The following TOX2 variants were observed in gnomAD, a reference collection of about 807,000 sequenced individuals.
TOX2 encodes the protein granulosa cell HMG box 1.
In TOX2, 15 loss-of-function variants were observed where a neutral mutation model predicts 47.4. The ratio of observed to expected loss-of-function variants is 0.32; its 90% confidence interval spans 0.21 to 0.49. TOX2 has a LOEUF of 0.49. TOX2 is among the 20% of genes least tolerant of loss of function. The probability of loss-of-function intolerance (pLI) is 0.99; values close to 1 mark genes in which losing one functional copy is unlikely to be tolerated. For missense variants in TOX2, 622 were observed against 673.1 expected (o/e 0.92, Z 0.84); for synonymous variants, 290 against 296.6 (o/e 0.98, Z 0.23).
At chr20:43,983,493 C>G (rs1353596836) in intron 2 of TOX2, among the ~76,000 whole-genome samples, 1 of 152,180 alleles carries the variant, frequency 6.6e-6, no homozygotes, top group Non-Finnish European at 1.5e-5. Context: ...ACCTGCCGCT[C>G]CCTGAGCACT....
chr20:44,031,244 G>A (rs541059520), intron 3 of TOX2, among the ~76,000 whole-genome samples: 6 of 152,184 alleles, frequency 3.9e-5, no homozygotes, highest in Non-Finnish European at 5.9e-5. Context: ...CTCTGTTAGC[G>A]CCCTCTGTGT....
At chr20:44,015,984 C>T (rs58092293) in intron 3 of TOX2, among the ~76,000 whole-genome samples, 1,778 of 151,968 alleles carry the variant, frequency 0.012, 34 homozygotes, top group African/African-American at 0.041. Context: ...CGTTTGTTGA[C>T]GAGATAAGAT....
intron 3 of TOX2, among the ~76,000 whole-genome samples, chr20:44,043,774 T>A (rs188857033): frequency 6.6e-6 from 1 of 152,322 alleles, no homozygotes; most frequent in East Asian, 1.9e-4. Context: ...GATGAAAGCA[T>A]GCCAAAAATT....
rs1331618739 is a variant in TOX2, at chr20:43,915,179, C to A, written c.99+189C>A. Among the ~76,000 whole-genome samples the A allele has an allele frequency of 6.6e-6, 1 of 152,132 alleles. No individual in the cohort carries two copies. Among genetic ancestry groups the A allele is most frequent in the South Asian group, 2.1e-4 (1 of 4,832 alleles). On this transcript the variant is annotated intron_variant, in intron 1 of 8. Coordinates refer to ENST00000341197, the MANE Select transcript of TOX2 (RefSeq NM_001098797.2). The surrounding 1 kb of genome is among the most constrained non-coding windows in gnomAD (Gnocchi z 7.1). ...TGTTGGGATCGCGGGCAGAAGTCAT[C>A]CCGACAGCCACCCGTGCGACGACAC...
chr20:44,025,092 A>G (rs993280847), intron 3 of TOX2, among the ~76,000 whole-genome samples: 3 of 152,138 alleles, frequency 2.0e-5, no homozygotes, highest in Non-Finnish European at 2.9e-5. Context: ...GCTATTTCTG[A>G]TCTTTTCTAT....
intron 3 of TOX2, among the ~76,000 whole-genome samples, chr20:44,047,459 A>G (rs1341148441): frequency 6.6e-6 from 1 of 152,236 alleles, no homozygotes; most frequent in Admixed American, 6.5e-5. Context: ...AATTTAATGA[A>G]TTATCATGAA....
At chr20:44,051,268 A>G in intron 3 of TOX2, 38 bp from the exon 4 acceptor site, 1 of 1,561,880 alleles carries the variant, frequency 6.4e-7, no homozygotes, top group Non-Finnish European at 8.7e-7. Context: ...GGCAGGACAG[A>G]TCCTTCCTAA....
intron 1 of TOX2, among the ~76,000 whole-genome samples, chr20:43,961,070 C>T (rs1376810672): frequency 6.6e-6 from 1 of 152,238 alleles, no homozygotes; most frequent in East Asian, 1.9e-4. Context: ...AGACATGTGG[C>T]TGTTGTGATA....
intron 3 of TOX2, chr20:44,039,195 A>G (rs1253707278): frequency 7.8e-7 from 1 of 1,279,816 alleles, no homozygotes; most frequent in Non-Finnish European, 1.0e-6. Flanking sequence ...ATGGAGCAGG[A>G]GAGGGAAGGC....
chr20:43,964,256 G>A (rs2069811116), intron 1 of TOX2, among the ~76,000 whole-genome samples: 1 of 152,140 alleles, frequency 6.6e-6, no homozygotes, highest in Admixed American at 6.5e-5. Flanking sequence ...CTGAGACTGA[G>A]GCTTCCCAGG....
intron 2 of TOX2, among the ~76,000 whole-genome samples, chr20:43,994,460 A>AC (rs57244937): frequency 3.3e-3 from 163 of 49,282 alleles, no homozygotes; most frequent in African/African-American, 8.2e-3. Flanking sequence ...CCCTGTCTCC[A>AC]AAAAAAAAAA....
intron 8 of TOX2, among the ~76,000 whole-genome samples, chr20:44,067,501 G>C (rs985344932): frequency 6.6e-6 from 1 of 152,146 alleles, no homozygotes; most frequent in African/African-American, 2.4e-5. Flanking sequence ...CAGGACAGGG[G>C]ACCTCGGTGG....
intron 2 of TOX2, among the ~76,000 whole-genome samples, chr20:43,986,248 C>G (rs1177275222): frequency 2.1e-5 from 2 of 94,102 alleles, no homozygotes; most frequent in African/African-American, 1.2e-4. Flanking sequence ...GACGAGGAAG[C>G]CTTTTAAAAT....
At chr20:43,984,629 T>C (rs1317965666) in intron 2 of TOX2, among the ~76,000 whole-genome samples, 1 of 152,198 alleles carries the variant, frequency 6.6e-6, no homozygotes, top group Admixed American at 6.5e-5. Flanking sequence ...CATGGAGACA[T>C]TGGGGAATGG....
At chr20:44,043,386 CAGAA>C (rs2071364503) in intron 3 of TOX2, among the ~76,000 whole-genome samples, 1 of 152,228 alleles carries the variant, frequency 6.6e-6, no homozygotes, top group Admixed American at 6.5e-5. Flanking sequence ...TCTCTGTTCT[CAGAA>C]AGAAATAACC....
chr20:44,068,931 G>C lies in TOX2; in HGVS notation c.*245G>C, dbSNP rs1325580183. Reference sequence around the variant, plus strand: ...TCCGCCCGCTGACCTGCTTGCTCCAGGGTAACTGTGGACCCTGTCCTCGCC... The same window carrying C: ...TCCGCCCGCTGACCTGCTTGCTCCACGGTAACTGTGGACCCTGTCCTCGCC... On this transcript the variant is annotated 3_prime_UTR_variant, in exon 9 of 9. Transcript: ENST00000341197. 1 of 665,550 alleles carries C rather than the reference G, an allele frequency of 1.5e-6. No individual in the cohort carries two copies. The highest frequency in any genetic ancestry group is 2.8e-6 in the Non-Finnish European group (1 of 356,616). The allele number at this position is 665,550 out of a possible 1,614,324, so 41.2% of individuals were successfully genotyped here.
intron 1 of TOX2, among the ~76,000 whole-genome samples, chr20:43,934,151 G>GAGAGAGAGAGAGAGAGAT (rs1569010261): frequency 6.6e-6 from 1 of 150,786 alleles, no homozygotes; most frequent in African/African-American, 2.5e-5. Flanking sequence ...GAGAGAGAGA[G>GAGAGAGAGAGAGAGAGAT]AGAGAGAGAG....
intron 1 of TOX2, among the ~76,000 whole-genome samples, chr20:43,946,568 C>A (rs934068330): frequency 1.2e-4 from 18 of 152,316 alleles, no homozygotes; most frequent in African/African-American, 3.9e-4. Flanking sequence ...ATAAAAATTT[C>A]TTGCCAAATT....
chr20:43,923,108 G>GT (rs2069128607), intron 1 of TOX2, among the ~76,000 whole-genome samples: 1 of 152,120 alleles, frequency 6.6e-6, no homozygotes. Context: ...AGCAGCCATT[G>GT]TAGGGGTGCT....
Sources: gnomAD v4.1 joint callset for allele counts (sites outside exome capture counted in the v4.1 genomes callset) on GRCh38, gnomAD v4.1.1 for gene constraint, Gnocchi (gnomAD v3.1) non-coding constraint, MANE v1.5 for transcripts, NCBI Gene and HGNC (gene_info 2026-07-23, HGNC 2026-07-21) for gene names.